Variants in CHST9 observed in about 807,000 individuals in gnomAD.
CHST9 encodes the protein carbohydrate sulfotransferase 9, also known as GalNAc-4-sulfotransferase 2.
Under a neutral mutation model 44.4 loss-of-function variants are expected in CHST9, and 41 were observed. That is an observed-to-expected ratio of 0.92 (90% CI 0.72 to 1.20). CHST9 has a LOEUF of 1.20. CHST9 is among the 50% of genes most tolerant of loss of function. CHST9 has a pLI of 0.00. For missense variants in CHST9, 504 were observed against 516.5 expected, an observed-to-expected ratio of 0.98 and a Z score of 0.23; for synonymous variants, 171 against 178.4, an observed-to-expected ratio of 0.96 and a Z score of 0.33.
At chr18:26,973,139 T>C (rs1217901598) in intron 4 of CHST9, among the ~76,000 whole-genome samples, 2 of 152,220 alleles carry the variant, frequency 1.3e-5, no homozygotes, top group African/African-American at 2.4e-5. Flanking sequence ...CTGTTTATCG[T>C]TGGTCTCACC....
At chr18:27,099,743 C>A (rs913778646) in intron 2 of CHST9, among the ~76,000 whole-genome samples, 1 of 151,856 alleles carries the variant, frequency 6.6e-6, no homozygotes, top group Non-Finnish European at 1.5e-5. Flanking sequence ...GGCAAGGCTG[C>A]AGAGAAAAGG....
intron 2 of CHST9, among the ~76,000 whole-genome samples, chr18:27,129,874 T>A (rs2058457166): frequency 6.6e-6 from 1 of 151,998 alleles, no homozygotes; most frequent in Admixed American, 6.6e-5. Context: ...TCGTGGTGCA[T>A]CTAGTTGCTA....
intron 2 of CHST9, among the ~76,000 whole-genome samples, chr18:27,091,153 T>C (rs1298970020): frequency 6.6e-6 from 1 of 152,188 alleles, no homozygotes; most frequent in Non-Finnish European, 1.5e-5. Flanking sequence ...CTTGAAGAGG[T>C]CCTTCACGTC....
intron 2 of CHST9, among the ~76,000 whole-genome samples, chr18:27,094,597 A>C (rs1057177141): frequency 6.6e-6 from 1 of 152,198 alleles, no homozygotes; most frequent in African/African-American, 2.4e-5. Flanking sequence ...ATGATGTTTC[A>C]TTTTAAATAT....
At chr18:27,134,036 T>C (rs1451410039) in intron 2 of CHST9, among the ~76,000 whole-genome samples, 1 of 152,188 alleles carries the variant, frequency 6.6e-6, no homozygotes, top group East Asian at 1.9e-4. Flanking sequence ...ACAGTAAACA[T>C]AAAGTCCTTC....
intron 3 of CHST9, among the ~76,000 whole-genome samples, chr18:27,048,177 A>C (rs1024246912): frequency 3.9e-5 from 6 of 152,188 alleles, no homozygotes; most frequent in Admixed American, 3.9e-4. Flanking sequence ...TCTGTATTTT[A>C]ATACTGTTGG....
chr18:26,939,128 T>C (rs192425757), intron 5 of CHST9, among the ~76,000 whole-genome samples: 173 of 152,278 alleles, frequency 1.1e-3, no homozygotes, highest in African/African-American at 4.0e-3. Context: ...TGTTGGGATA[T>C]AAATGATTAG....
chr18:27,167,261 C>A (rs1898137926), intron 1 of CHST9, among the ~76,000 whole-genome samples: 1 of 152,104 alleles, frequency 6.6e-6, no homozygotes, highest in Admixed American at 6.5e-5. Context: ...CCATCAAGAT[C>A]CTTATTTAAA....
rs192123558 is a variant in CHST9, at chr18:27,171,926, C to T, written c.-97+13210G>A. On this transcript the variant is annotated intron_variant, in intron 1 of 5. Coordinates refer to ENST00000618847, the MANE Select transcript of CHST9 (RefSeq NM_031422.6). ...CTTCACTCTCCATTGTTTTACTTGT[C>T]CTTTCTGAGACTTTAGGTAAAATGA... Among the ~76,000 whole-genome samples the T allele has an allele frequency of 2.2e-4, 34 of 152,194 alleles. No homozygotes were observed. In the East Asian group the frequency reaches 3.5e-3, roughly 16 times the overall value.
chr18:26,922,899 C>G (rs532461020), intron 5 of CHST9, among the ~76,000 whole-genome samples: 2 of 152,230 alleles, frequency 1.3e-5, no homozygotes, highest in African/African-American at 4.8e-5. Flanking sequence ...GCCTCCCAAA[C>G]TGCTGGGATT....
intron 2 of CHST9, among the ~76,000 whole-genome samples, chr18:27,098,596 T>A (rs1048801123): frequency 6.6e-6 from 1 of 152,130 alleles, no homozygotes; most frequent in South Asian, 2.1e-4. Flanking sequence ...ATGTGGCACA[T>A]ATACACCATG....
intron 1 of CHST9, among the ~76,000 whole-genome samples, chr18:27,164,872 C>A (rs1471017484): frequency 1.3e-5 from 2 of 152,144 alleles, no homozygotes; most frequent in Non-Finnish European, 2.9e-5. Context: ...GTATTAAATG[C>A]TACCAAATTC....
chr18:27,183,743 T>G (rs929222021), intron 1 of CHST9, among the ~76,000 whole-genome samples: 1 of 152,174 alleles, frequency 6.6e-6, no homozygotes, highest in Admixed American at 6.5e-5. Context: ...TAAATTTGAT[T>G]CACTTTGATT....
At chr18:27,076,037 A>G (rs1287971201) in intron 2 of CHST9, among the ~76,000 whole-genome samples, 1 of 152,230 alleles carries the variant, frequency 6.6e-6, no homozygotes, top group East Asian at 1.9e-4. Context: ...TTACTGTGTC[A>G]TTACCATTGT....
At chr18:27,072,503 C>T (rs1398224705) in intron 2 of CHST9, among the ~76,000 whole-genome samples, 1 of 152,072 alleles carries the variant, frequency 6.6e-6, no homozygotes, top group Non-Finnish European at 1.5e-5. Context: ...TAGTAGGGGA[C>T]ATAGGATGTG....
At chr18:26,971,547 G>A (rs1220844196) in intron 4 of CHST9, among the ~76,000 whole-genome samples, 3 of 152,192 alleles carry the variant, frequency 2.0e-5, no homozygotes, top group Non-Finnish European at 4.4e-5. Context: ...GTCCTTTGAT[G>A]GCTGCCAGGG....
Position 26,980,093 on chromosome 18 carries a change from T to C in CHST9, c.203-35727A>G, listed in dbSNP as rs189763452. Among the ~76,000 whole-genome samples, 24 of 152,266 alleles carry C rather than the reference T, an allele frequency of 1.6e-4. No individual in the cohort carries two copies. The East Asian group carries it at 3.7e-3, about 23-fold the overall frequency. ...GACTACATTAAGACAGGATGGATACTCTTTCCTCCAGGAAGCCACCTCTGT... is the reference window on the plus strand; with the variant it reads ...GACTACATTAAGACAGGATGGATACCCTTTCCTCCAGGAAGCCACCTCTGT... On this transcript the variant is annotated intron_variant, in intron 4 of 5. Transcript: ENST00000618847.
At chr18:27,164,905 G>A (rs2058778095) in intron 1 of CHST9, among the ~76,000 whole-genome samples, 1 of 152,178 alleles carries the variant, frequency 6.6e-6, no homozygotes, top group Non-Finnish European at 1.5e-5. Flanking sequence ...AATCAAGGTT[G>A]TGTGTGTAAA....
At chr18:26,966,523 G>C (rs1312207868) in intron 4 of CHST9, among the ~76,000 whole-genome samples, 1 of 152,156 alleles carries the variant, frequency 6.6e-6, no homozygotes, top group African/African-American at 2.4e-5. Flanking sequence ...AGTACTTCTG[G>C]ATTTAAACGT....
Sources: gnomAD v4.1 joint callset for allele counts (sites outside exome capture counted in the v4.1 genomes callset) on GRCh38, gnomAD v4.1.1 for gene constraint, MANE v1.5 for transcripts, NCBI Gene and HGNC (gene_info 2026-07-23, HGNC 2026-07-21) for gene names.